The following FNDC3B variants were observed in gnomAD, a reference collection of about 807,000 sequenced individuals.
The protein encoded by FNDC3B is fibronectin type III domain-containing protein 3B.
Under a neutral mutation model 151.5 loss-of-function variants are expected in FNDC3B, and 12 were observed. That is an observed-to-expected ratio of 0.08 (90% CI 0.05 to 0.13). The LOEUF (loss-of-function observed/expected upper bound fraction) is 0.13, where lower values mean the gene tolerates loss of function less well. Ranked by LOEUF, FNDC3B falls within the 10% of genes least tolerant of loss-of-function variation. The pLI is 1.00. For missense variants in FNDC3B, 1,214 were observed against 1,505.3 expected, an observed-to-expected ratio of 0.81 and a Z score of 3.20; for synonymous variants, 528 against 549.0, an observed-to-expected ratio of 0.96 and a Z score of 0.54.
chr3:172,177,895 C>G (rs1196739902), intron 3 of FNDC3B, among the ~76,000 whole-genome samples: 1 of 152,018 alleles, frequency 6.6e-6, no homozygotes, highest in Non-Finnish European at 1.5e-5. Flanking sequence ...GTTCCCCTCC[C>G]TGTGTCCTTG....
At chr3:172,176,570 C>T (rs1459712852) in intron 3 of FNDC3B, among the ~76,000 whole-genome samples, 1 of 152,162 alleles carries the variant, frequency 6.6e-6, no homozygotes, top group African/African-American at 2.4e-5. Context: ...TGGGCAATTA[C>T]AGAGGATTAG....
At chr3:172,098,202 C>A (rs1331102829) in intron 1 of FNDC3B, among the ~76,000 whole-genome samples, 1 of 152,084 alleles carries the variant, frequency 6.6e-6, no homozygotes, top group Non-Finnish European at 1.5e-5. Context: ...CCAGGTTGTA[C>A]TTCCTTACAT....
At chr3:172,257,561 C>T (rs983782601) in intron 6 of FNDC3B, among the ~76,000 whole-genome samples, 7 of 131,640 alleles carry the variant, frequency 5.3e-5, no homozygotes, top group Middle Eastern at 3.4e-3. Context: ...CCACATCACA[C>T]GCATTCATAC....
At chr3:172,061,263 C>G (rs540342123) in intron 1 of FNDC3B, among the ~76,000 whole-genome samples, 1 of 147,172 alleles carries the variant, frequency 6.8e-6, no homozygotes, top group Non-Finnish European at 1.5e-5. Flanking sequence ...GATGGAGTCT[C>G]GCTCTGTCAC....
At chr3:172,346,164 A>G (rs1018760071) in intron 19 of FNDC3B, 163 bp from the exon 20 acceptor site, 5 of 420,196 alleles carry the variant, frequency 1.2e-5, no homozygotes, top group Non-Finnish European at 2.1e-5. Flanking sequence ...ACTTACACAC[A>G]TTGAATTGAA....
chr3:172,331,250 T>G (rs2860825), intron 13 of FNDC3B, among the ~76,000 whole-genome samples: 6,113 of 152,214 alleles, frequency 0.04, 402 homozygotes, highest in African/African-American at 0.14. Flanking sequence ...CAGAGTAAAA[T>G]CCCTAGAGCT....
chr3:172,375,239 C>T (rs1735073889), intron 23 of FNDC3B, among the ~76,000 whole-genome samples: 1 of 152,226 alleles, frequency 6.6e-6, no homozygotes, highest in South Asian at 2.1e-4. Flanking sequence ...AGAAAGTCTT[C>T]AGAAGGCATT....
At chr3:172,100,971 A>G (rs1195411015) in intron 1 of FNDC3B, among the ~76,000 whole-genome samples, 1 of 152,236 alleles carries the variant, frequency 6.6e-6, no homozygotes, top group African/African-American at 2.4e-5. Flanking sequence ...TTTGAAATAT[A>G]TATTTAAGTA....
rs1255671070 is a variant in FNDC3B at position 172,319,924 on chromosome 3, C to T, written c.1255-9028C>T. Among the ~76,000 whole-genome samples, 3 of 152,146 alleles carry T rather than the reference C, an allele frequency of 2.0e-5. No homozygotes were observed. In the South Asian group the frequency reaches 6.2e-4, roughly 31 times the overall value. Reference sequence around the variant, plus strand: ...CTGACAGGTTGAACTATACTATTAACAGAGAATGGCCAGCCCAGAATCCTT... The same window carrying T: ...CTGACAGGTTGAACTATACTATTAATAGAGAATGGCCAGCCCAGAATCCTT... On this transcript the variant is annotated intron_variant, in intron 11 of 25. Transcript: ENST00000415807.
At chr3:172,245,177 C>T (rs1043701178) in intron 4 of FNDC3B, among the ~76,000 whole-genome samples, 2 of 151,922 alleles carry the variant, frequency 1.3e-5, no homozygotes, top group Non-Finnish European at 2.9e-5. Context: ...TTTTTTAAAA[C>T]CACTTTGTTA....
intron 6 of FNDC3B, among the ~76,000 whole-genome samples, chr3:172,275,232 G>C (rs191330726): frequency 6.6e-5 from 10 of 152,220 alleles, no homozygotes; most frequent in Admixed American, 1.3e-4. Context: ...AATTTGGGGT[G>C]TAAATCTAGT....
chr3:172,277,697 T>C (rs1729502947), intron 6 of FNDC3B, among the ~76,000 whole-genome samples: 2 of 152,180 alleles, frequency 1.3e-5, no homozygotes, highest in South Asian at 2.1e-4. Flanking sequence ...TTCTAGATTC[T>C]CTAGAAAAGT....
intron 3 of FNDC3B, among the ~76,000 whole-genome samples, chr3:172,201,475 G>T (rs979911151): frequency 1.3e-5 from 2 of 152,188 alleles, no homozygotes; most frequent in Non-Finnish European, 2.9e-5. Flanking sequence ...GTGTTCTTCT[G>T]CCACTGGGCT....
At chr3:172,148,112 T>C (rs1664100422) in intron 3 of FNDC3B, among the ~76,000 whole-genome samples, 1 of 152,112 alleles carries the variant, frequency 6.6e-6, no homozygotes, top group Admixed American at 6.5e-5. Flanking sequence ...TTCCTAATTT[T>C]ATTAGGAACT....
At chr3:172,269,725 A>G (rs1351486501) in intron 6 of FNDC3B, among the ~76,000 whole-genome samples, 1 of 150,736 alleles carries the variant, frequency 6.6e-6, no homozygotes, top group Non-Finnish European at 1.5e-5. Flanking sequence ...ACTCACTGCA[A>G]CCTCCACCTC....
At position 172,334,997 on chromosome 3, in the gene FNDC3B, T is replaced by C; in HGVS notation, c.1695T>C (p.Cys565=). The C allele has an allele frequency of 6.2e-7, 1 of 1,613,934 alleles. No homozygotes were observed. The highest frequency in any genetic ancestry group is 1.3e-5 in the African/African-American group (1 of 75,020). The change falls in exon 15 of 26, where the codon TGT becomes TGC. Residue 565 remains cysteine (C), a synonymous_variant. Transcript: ENST00000415807. ...GKSCPSEVLV[C]TTSPDRPGPP... ...GCTGTCCAAGCGAAGTTCTTGTTTG[T>C]ACGACGAGTCCTGACAGGCCTGGAC...
At chr3:172,382,263 A>G (rs529514012) in intron 25 of FNDC3B, among the ~76,000 whole-genome samples, 3 of 152,350 alleles carry the variant, frequency 2.0e-5, no homozygotes, top group South Asian at 2.1e-4. Flanking sequence ...GGCCACATAA[A>G]TATCTTCTTT....
chr3:172,383,505 A>G (rs1735557955), intron 25 of FNDC3B, among the ~76,000 whole-genome samples: 1 of 152,216 alleles, frequency 6.6e-6, no homozygotes. Context: ...TAGGCCCTGG[A>G]GGCCTGTGAT....
intron 4 of FNDC3B, among the ~76,000 whole-genome samples, chr3:172,239,767 AGCT>A: frequency 7.2e-6 from 1 of 137,994 alleles, no homozygotes; most frequent in African/African-American, 3.0e-5. Context: ...CTTTTCTGTT[AGCT>A]AAGACAAAAA....
Sources: allele counts gnomAD v4.1 joint callset (sites outside exome capture counted in the v4.1 genomes callset), GRCh38; gene constraint gnomAD v4.1.1; transcripts MANE v1.5; gene names NCBI Gene and HGNC (gene_info 2026-07-23, HGNC 2026-07-21).